PRKCB: variants seen among roughly 807,000 people sequenced by gnomAD.
The protein encoded by PRKCB is protein kinase C beta, also known as protein kinase C beta type.
PRKCB carries 13 observed loss-of-function variants against 81.5 expected under a neutral mutation model. That is an observed-to-expected ratio of 0.16 (90% CI 0.10 to 0.25). The LOEUF (loss-of-function observed/expected upper bound fraction) is 0.25. PRKCB is among the 10% of genes least tolerant of loss of function. The pLI is 1.00. For missense variants in PRKCB, 509 were observed against 875.7 expected, an observed-to-expected ratio of 0.58 and a Z score of 5.29; for synonymous variants, 335 against 321.4, an observed-to-expected ratio of 1.04 and a Z score of -0.45.
intron 10 of PRKCB, among the ~76,000 whole-genome samples, chr16:24,164,999 A>T (rs1967321041): frequency 6.6e-6 from 1 of 152,130 alleles, no homozygotes; most frequent in African/African-American, 2.4e-5. Flanking sequence ...TTCACTCTTT[A>T]TGCCTCTCAT....
intron 2 of PRKCB, among the ~76,000 whole-genome samples, chr16:23,958,520 A>G (rs968937314): frequency 2.0e-5 from 3 of 147,402 alleles, no homozygotes; most frequent in Admixed American, 6.8e-5. Context: ...GGCCAGGCTG[A>G]TCTCGAACTC....
chr16:24,094,718 G>T (rs1007966210), intron 7 of PRKCB, among the ~76,000 whole-genome samples: 1 of 151,750 alleles, frequency 6.6e-6, no homozygotes, highest in South Asian at 2.1e-4. Context: ...AGTGAGCAAG[G>T]TGGTCAGAGA....
At chr16:23,892,531 A>G (rs1963311141) in intron 2 of PRKCB, among the ~76,000 whole-genome samples, 4 of 152,256 alleles carry the variant, frequency 2.6e-5, no homozygotes, top group Admixed American at 1.3e-4. Context: ...ACAAAACATT[A>G]AAATATACAT....
At chr16:24,012,762 A>G (rs1965220493) in intron 3 of PRKCB, among the ~76,000 whole-genome samples, 1 of 152,216 alleles carries the variant, frequency 6.6e-6, no homozygotes, top group Non-Finnish European at 1.5e-5. Flanking sequence ...TCCCTGTTGG[A>G]AGATACAGGA....
intron 2 of PRKCB, among the ~76,000 whole-genome samples, chr16:23,950,816 ATT>A (rs1381886715): frequency 4.0e-5 from 6 of 151,862 alleles, no homozygotes; most frequent in Non-Finnish European, 7.4e-5. Flanking sequence ...TTTCCTCCTT[ATT>A]TTCCATAGTG....
At chr16:24,157,635 C>T (rs1487695827) in intron 10 of PRKCB, among the ~76,000 whole-genome samples, 3 of 150,462 alleles carry the variant, frequency 2.0e-5, no homozygotes, top group Non-Finnish European at 4.4e-5. Context: ...GACTAATACA[C>T]ATGGGAATGA....
rs184153469 is a variant in PRKCB at position 24,193,886 on chromosome 16, T to C, written c.1863+2656T>C. 2.4e-3 allele frequency among the ~76,000 whole-genome samples: 363 copies of C among 152,306 alleles called. 4 individuals are homozygous for C. Among genetic ancestry groups the C allele is most frequent in the Admixed American group, 0.022 (333 of 15,300 alleles). The stretch of plus-strand genomic sequence containing the variant: ...CCTCCTCAGGGCTGCTCCATCTTCA[T>C]GGTATTTGGGGCTAGAACTCGGTGC... On this transcript the variant is annotated intron_variant, in intron 16 of 16. Coordinates refer to ENST00000643927, the MANE Select transcript of PRKCB (RefSeq NM_002738.7).
intron 2 of PRKCB, among the ~76,000 whole-genome samples, chr16:23,871,578 T>TA (rs1447259246): frequency 3.3e-5 from 5 of 151,882 alleles, no homozygotes; most frequent in African/African-American, 1.2e-4. Context: ...TTGTTTTTTT[T>TA]ATCTTTTCTT....
chr16:23,962,349 C>T (rs1056659441), intron 2 of PRKCB, among the ~76,000 whole-genome samples: 4 of 152,176 alleles, frequency 2.6e-5, no homozygotes, highest in African/African-American at 9.7e-5. Flanking sequence ...CCGTCCCAAC[C>T]CCCACCTAAT....
chr16:24,152,517 T>C (rs1185070768), intron 9 of PRKCB, among the ~76,000 whole-genome samples: 4 of 152,114 alleles, frequency 2.6e-5, no homozygotes, highest in Non-Finnish European at 5.9e-5. Context: ...CTCTTCTTCT[T>C]TCCATCTCCA....
chr16:24,006,377 A>G (rs1055850946), intron 3 of PRKCB, among the ~76,000 whole-genome samples: 8 of 152,226 alleles, frequency 5.3e-5, no homozygotes, highest in Non-Finnish European at 1.0e-4. Context: ...CAGGCTAACG[A>G]AGAACAGCCC....
chr16:24,112,895 C>T, intron 7 of PRKCB, 78 bp from the exon 8 acceptor site: 2 of 1,025,750 alleles, frequency 1.9e-6, no homozygotes, highest in East Asian at 2.5e-5. Context: ...TTATATAGGC[C>T]TCCTTTTCAT....
chr16:24,052,264 A>G (rs1461373210), intron 5 of PRKCB, among the ~76,000 whole-genome samples: 1 of 152,196 alleles, frequency 6.6e-6, no homozygotes, highest in East Asian at 1.9e-4. Context: ...TTTCTGATTC[A>G]GTAGACATTG....
chr16:24,131,777 A>G (rs1966853680), intron 9 of PRKCB, among the ~76,000 whole-genome samples: 1 of 152,234 alleles, frequency 6.6e-6, no homozygotes, highest in Admixed American at 6.5e-5. Context: ...AAAATATATT[A>G]AAAGAAGAGT....
At chr16:24,195,773 C>A (rs559335115) in intron 16 of PRKCB, among the ~76,000 whole-genome samples, 21 of 152,330 alleles carry the variant, frequency 1.4e-4, no homozygotes, top group Middle Eastern at 3.4e-3. Context: ...ATCTATTGCT[C>A]CTTGGCATAT....
At chr16:24,011,673 C>T (rs1289876397) in intron 3 of PRKCB, among the ~76,000 whole-genome samples, 2 of 152,106 alleles carry the variant, frequency 1.3e-5, no homozygotes, top group Non-Finnish European at 2.9e-5. Flanking sequence ...TACACCACCA[C>T]ACCTGGCTAA....
chr16:24,122,818 G>A (rs963598317), intron 8 of PRKCB, among the ~76,000 whole-genome samples: 2 of 152,234 alleles, frequency 1.3e-5, no homozygotes, highest in East Asian at 3.9e-4. Flanking sequence ...CAGTAACGAA[G>A]TCCTGGCAGC....
chr16:24,053,046 T>G (rs1965861660), intron 5 of PRKCB, among the ~76,000 whole-genome samples: 1 of 152,248 alleles, frequency 6.6e-6, no homozygotes, highest in Admixed American at 6.5e-5. Flanking sequence ...TTTAATCATG[T>G]GCTCTGTCTC....
intron 2 of PRKCB, among the ~76,000 whole-genome samples, chr16:23,865,496 TATATATATATATATATATATA>T: frequency 4.9e-5 from 1 of 20,404 alleles, no homozygotes; most frequent in East Asian, 1.3e-3. Context: ...TATATATATA[TATATATATATATATATATATA>T]TGTGTGTGTG....
Sources: allele counts gnomAD v4.1 joint callset (sites outside exome capture counted in the v4.1 genomes callset), GRCh38; gene constraint gnomAD v4.1.1; transcripts MANE v1.5; gene names NCBI Gene and HGNC (gene_info 2026-07-23, HGNC 2026-07-21).